Variants in FAM234A observed in about 807,000 individuals in gnomAD.
The protein encoded by FAM234A is protein FAM234A.
A neutral mutation model predicts 49.1 loss-of-function variants in FAM234A; 42 were observed. The ratio of observed to expected loss-of-function variants is 0.86; its 90% CI spans 0.67 to 1.11. The LOEUF (loss-of-function observed/expected upper bound fraction) is 1.11. FAM234A is among the 50% of genes least tolerant of loss of function. The probability of loss-of-function intolerance (pLI) is 0.00; values close to 1 mark genes in which losing one functional copy is unlikely to be tolerated. For missense variants in FAM234A, 815 were observed against 745.2 expected, an observed-to-expected ratio of 1.09 and a Z score of -1.09; for synonymous variants, 369 against 316.2, an observed-to-expected ratio of 1.17 and a Z score of -1.77.
Position 247,915 on chromosome 16 carries a change from G to A in FAM234A, c.-139-1634G>A, listed in dbSNP as rs543580382. ...CCTGACCTGGGTTCGCCCAAGTGGTGGGAGAGTCCCCATGGAGGCACTGCG... is the reference window on the plus strand; with the variant it reads ...CCTGACCTGGGTTCGCCCAAGTGGTAGGAGAGTCCCCATGGAGGCACTGCG... On this transcript the variant is annotated intron_variant, in intron 1 of 12. Transcript: ENST00000399932. Among the ~76,000 whole-genome samples the A allele has an allele frequency of 5.3e-5, 8 of 152,226 alleles. No homozygotes were observed. The South Asian group carries it at 1.7e-3, about 32-fold the overall frequency.
At chr16:242,606 C>T (rs1293320271) in intron 1 of FAM234A, among the ~76,000 whole-genome samples, 2 of 149,178 alleles carry the variant, frequency 1.3e-5, no homozygotes, top group African/African-American at 5.0e-5. Flanking sequence ...TTCTTGGTGT[C>T]AGCTCCTTTT....
rs1361118542 is a variant in FAM234A, at chr16:263,411, T to C, written c.1112+9T>C. ...GCAGCCCATGTCCTGAGGTACAGGG[T>C]TTCCCCAAGGACCGCGCAGGTGCTG... On this transcript the variant is annotated intron_variant, in intron 9 of 12. Transcript: ENST00000399932. The C allele has an allele frequency of 6.2e-7, 1 of 1,607,018 alleles. No homozygotes were observed. Among genetic ancestry groups the C allele is most frequent in the South Asian group, 1.1e-5 (1 of 91,054 alleles).
At chr16:260,610 G>T (rs1448625597) in intron 5 of FAM234A, 1 of 474,328 alleles carries the variant, frequency 2.1e-6, no homozygotes, top group Admixed American at 2.3e-5. Context: ...AGCGGAGCCG[G>T]CCTCGTGGAA....
In FAM234A at chr16:254,580, T is replaced by C. The variant is rs1397968419; in HGVS notation, c.167T>C (p.Leu56Ser). 1 of 1,614,052 alleles carries C rather than the reference T, an allele frequency of 6.2e-7. No homozygotes were observed. Among genetic ancestry groups the C allele is most frequent in the Non-Finnish European group, 8.5e-7 (1 of 1,180,032 alleles). The part of the protein sequence containing the change: ...RCRAAAFFLS[L>S]FLCLFVVFVV... ...CGAGCGGCGGCGTTTTTTCTTTCATTGTTTCTCTGCCTTTTTGTGGTGTTC... is the reference window on the plus strand; with the variant it reads ...CGAGCGGCGGCGTTTTTTCTTTCATCGTTTCTCTGCCTTTTTGTGGTGTTC... Residue 56 changes from leucine to serine, a missense_variant, in exon 3 of 13, where the codon TTG (leucine) becomes TCG (serine). By Grantham distance (145) the Leu-to-Ser change is moderately radical. Coordinates refer to ENST00000399932, the MANE Select transcript of FAM234A (RefSeq NM_032039.4).
At chr16:267,060 C>A (rs2051712250), downstream of FAM234A, among the ~76,000 whole-genome samples, 1 of 152,102 alleles carries the variant, frequency 6.6e-6, no homozygotes, top group Admixed American at 6.5e-5. Flanking sequence ...AAGTTTCCCT[C>A]CCTGCAGGAA....
chr16:255,115 A>C (rs1298575318), intron 3 of FAM234A, among the ~76,000 whole-genome samples: 1 of 152,108 alleles, frequency 6.6e-6, no homozygotes, highest in Non-Finnish European at 1.5e-5. Context: ...CAGCCTCCCA[A>C]AGTGCTGAGA....
chr16:236,425 C>G (rs1408465084), intron 1 of FAM234A, among the ~76,000 whole-genome samples: 1 of 151,202 alleles, frequency 6.6e-6, no homozygotes, highest in Non-Finnish European at 1.5e-5. Flanking sequence ...GAGATCGAGA[C>G]CATCCTGTCC....
chr16:261,816 C>T (rs1431435052), intron 6 of FAM234A, among the ~76,000 whole-genome samples: 1 of 152,228 alleles, frequency 6.6e-6, no homozygotes, highest in East Asian at 1.9e-4. Flanking sequence ...TGGGGCTGCC[C>T]TGCCTGCCTC....
rs1366812618 is a variant in FAM234A, at chr16:265,145, C to G, written c.*123C>G. 1.4e-6 allele frequency: 2 copies of G among 1,446,974 alleles called. No homozygotes were observed. Among genetic ancestry groups the G allele is most frequent in the African/African-American group, 1.4e-5 (1 of 70,264 alleles). The allele number at this position is 1,446,974 out of a possible 1,614,324, so 89.6% of individuals were successfully genotyped here. On this transcript the variant is annotated 3_prime_UTR_variant, in exon 13 of 13. Transcript: ENST00000399932. ...CTCCTGACCCTGGTGATGGTCGCCA[C>G]TGGGCAGCAGCAGCCTTACCAGTCC...
At chr16:238,783 A>AG (rs1179881604) in intron 1 of FAM234A, among the ~76,000 whole-genome samples, 7 of 141,436 alleles carry the variant, frequency 4.9e-5, no homozygotes, top group East Asian at 4.2e-4. Flanking sequence ...AAAAAAAAAA[A>AG]AAAGAAAAAA....
At chr16:241,644 G>T (rs1294266002) in intron 1 of FAM234A, among the ~76,000 whole-genome samples, 1 of 151,760 alleles carries the variant, frequency 6.6e-6, no homozygotes, top group African/African-American at 2.4e-5. Context: ...GAGGCCGGGC[G>T]CGGTGGCTCA....
rs757123067 is a variant in FAM234A at position 263,360 on chromosome 16, A to G, written c.1070A>G (p.Glu357Gly). Reference protein sequence around the residue: ...SEAFVLLDGQELTPRWTPKAA... With the variant: ...SEAFVLLDGQGLTPRWTPKAA... ...GCCTTCGTGCTGCTGGACGGGCAGG[A>G]GCTGACGCCTCGCTGGACACCCAAG... The change falls in exon 9 of 13, where the codon GAG becomes GGG. Residue 357 changes from glutamate to glycine, a missense_variant. Glu to Gly is a moderately conservative substitution (Grantham distance 98). Coordinates refer to ENST00000399932, the MANE Select transcript of FAM234A (RefSeq NM_032039.4). The G allele has an allele frequency of 6.2e-7, 1 of 1,612,492 alleles. No individual in the cohort carries two copies. Among genetic ancestry groups the G allele is most frequent in the South Asian group, 1.1e-5 (1 of 91,084 alleles).
downstream of FAM234A, among the ~76,000 whole-genome samples, chr16:268,052 G>T (rs183637558): frequency 9.1e-6 from 1 of 109,772 alleles, no homozygotes; most frequent in African/African-American, 3.9e-5. Flanking sequence ...GCACACGGGT[G>T]CTACACACAA....
chr16:238,278 C>G (rs1256802625), intron 1 of FAM234A, among the ~76,000 whole-genome samples: 1 of 152,082 alleles, frequency 6.6e-6, no homozygotes, highest in Non-Finnish European at 1.5e-5. Context: ...CTTGGCTTCC[C>G]AAAGTGCTGG....
chr16:268,721 AAGGCAGTGACCTCG>A, downstream of FAM234A: 1 of 1,524,954 alleles, frequency 6.6e-7, no homozygotes, highest in Non-Finnish European at 8.8e-7. Flanking sequence ...GCAGCTCCGG[AAGGCAGTGACCTCG>A]AGGCAGCCTC....
chr16:260,554 G>A (rs1028223785), intron 5 of FAM234A: 6 of 479,838 alleles, frequency 1.3e-5, no homozygotes, highest in Non-Finnish European at 2.1e-5. Context: ...GGGAGATCGG[G>A]GCCTGTCAGT....
intron 9 of FAM234A, 99 bp from the exon 10 acceptor site, chr16:263,601 G>A: frequency 7.8e-7 from 1 of 1,277,404 alleles, no homozygotes; most frequent in African/African-American, 1.5e-5. Flanking sequence ...TCCAGATGTG[G>A]CCATGGGAGA....
intron 1 of FAM234A, among the ~76,000 whole-genome samples, chr16:238,455 T>C (rs1485702089): frequency 6.6e-6 from 1 of 152,098 alleles, no homozygotes; most frequent in Non-Finnish European, 1.5e-5. Flanking sequence ...GCCTAATTTA[T>C]TAATGAATGC....
chr16:260,322 A>C, intron 5 of FAM234A, 162 bp downstream of exon 5: 5 of 668,782 alleles, frequency 7.5e-6, no homozygotes, highest in Non-Finnish European at 1.3e-5. Flanking sequence ...GTGAGGCTGC[A>C]AGCGTGTGGA....
Sources: gnomAD v4.1 joint callset for allele counts (sites outside exome capture counted in the v4.1 genomes callset) on GRCh38, gnomAD v4.1.1 for gene constraint, MANE v1.5 for transcripts, NCBI Gene and HGNC (gene_info 2026-07-23, HGNC 2026-07-21) for gene names.